Variants in IL17REL observed in about 807,000 individuals in gnomAD.
IL17REL encodes interleukin 17 receptor E like.
Under a neutral mutation model 49.0 loss-of-function variants are expected in IL17REL, and 36 were observed. That is an observed-to-expected ratio of 0.73 (90% CI 0.56 to 0.97). IL17REL has a LOEUF of 0.97. IL17REL is among the 50% of genes least tolerant of loss of function. The pLI is 0.00. For missense variants in IL17REL, 470 were observed against 453.9 expected, an observed-to-expected ratio of 1.04 and a Z score of -0.32; for synonymous variants, 206 against 192.4, an observed-to-expected ratio of 1.07 and a Z score of -0.58.
rs1266019517 is a variant in IL17REL at position 49,997,668 on chromosome 22, C to T, written c.877+17G>A. The T allele has an allele frequency of 1.2e-6, 2 of 1,611,184 alleles. No individual in the cohort carries two copies. Among genetic ancestry groups the T allele is most frequent in the East Asian group, 4.5e-5 (2 of 44,880 alleles). On this transcript the variant is annotated intron_variant, in intron 10 of 12. Transcript: ENST00000341280. ...CTGTGCTGCGTCCACATTGCGTAGG[C>T]CTCATGGAGAACTTACTTGGGAAGC...
chr22:49,999,881 G>C, exon 5 of IL17REL: 1 of 1,545,012 alleles, frequency 6.5e-7, no homozygotes, highest in Non-Finnish European at 8.7e-7. Context: ...CAGAGCCGCA[G>C]GTAGTAGTCG....
rs1212549415 is a variant in IL17REL at position 49,997,268 on chromosome 22, TGCC to T, written c.974+49_974+51del. 5.4e-5 allele frequency: 85 copies of T among 1,560,750 alleles called. No individual in the cohort carries two copies. The South Asian group carries it at 7.5e-4, about 14-fold the overall frequency. Reference sequence around the variant, plus strand: ...CCACCACAGGGAAGTGATGGGGTCCTGCCGCCACCACCCCCACCTCCCCAGGAT... The same window carrying T: ...CCACCACAGGGAAGTGATGGGGTCCTGCCACCACCCCCACCTCCCCAGGAT... On this transcript the variant is annotated intron_variant, in intron 11 of 12. Coordinates refer to ENST00000341280, the Ensembl canonical transcript of IL17REL.
At chr22:50,001,565 G>A (rs1018542521) in intron 1 of IL17REL, among the ~76,000 whole-genome samples, 2 of 152,218 alleles carry the variant, frequency 1.3e-5, no homozygotes, top group Non-Finnish European at 2.9e-5. Context: ...AAGCTCTGTC[G>A]ACTCTGCTCA....
At chr22:50,002,165 G>A (rs1348495494) in intron 1 of IL17REL, among the ~76,000 whole-genome samples, 2 of 152,220 alleles carry the variant, frequency 1.3e-5, no homozygotes. Flanking sequence ...TCCACAGGGT[G>A]TAACCCACTG....
At chr22:49,998,815 G>A (rs532111356) in intron 7 of IL17REL, among the ~76,000 whole-genome samples, 13 of 152,136 alleles carry the variant, frequency 8.5e-5, no homozygotes, top group Middle Eastern at 3.4e-3. Context: ...GCCTGCCTGC[G>A]CGTGGGTGTG....
At position 49,997,783 on chromosome 22, in the gene IL17REL, G is replaced by T. The variant is rs191888981; in HGVS notation, c.820-41C>A. On this transcript the variant is annotated intron_variant, in intron 9 of 12. Coordinates refer to ENST00000341280, the Ensembl canonical transcript of IL17REL. Reference sequence around the variant, plus strand: ...AGGGGTGCAGGAGGGTGGAGTGTGTGTGAGGCAGGGGCAGGGACAGGGGCA... The same window carrying T: ...AGGGGTGCAGGAGGGTGGAGTGTGTTTGAGGCAGGGGCAGGGACAGGGGCA... 9.0e-4 allele frequency: 1,444 copies of T among 1,596,514 alleles called. 10 individuals carry two copies. In the African/African-American group the frequency reaches 0.017, roughly 19 times the overall value.
rs1202679538 is a variant in IL17REL, at chr22:49,997,945, G to A, written c.819+80C>T. The A allele has an allele frequency of 1.9e-6, 3 of 1,550,896 alleles. No homozygotes were observed. In the East Asian group the frequency reaches 6.8e-5, roughly 35 times the overall value. On this transcript the variant is annotated intron_variant, in intron 9 of 12. Transcript: ENST00000341280. ...AGGCTAGGCTCCAGGGCTGGGCAAG[G>A]GCCCCTGCCCCACTCCCCGCCCTGA...
chr22:50,012,277 G>C (rs1247877306), upstream of IL17REL, among the ~76,000 whole-genome samples: 1 of 152,244 alleles, frequency 6.6e-6, no homozygotes, highest in Non-Finnish European at 1.5e-5. Context: ...GGCTGCCCTA[G>C]ATTCTAACAC....
chr22:49,999,334 C>T lies in IL17REL; in HGVS notation c.558G>A (p.Ala186=), dbSNP rs148168797. The T allele has an allele frequency of 6.2e-7, 1 of 1,613,000 alleles. No homozygotes were observed. The highest frequency in any genetic ancestry group is 1.7e-5 in the Admixed American group (1 of 60,022). Reference sequence around the variant, plus strand: ...TCTGGATCCGCACCGCGTCAGGGGTCGCAGACCAGCCCTGTGGGAGGGGCT... The same window carrying T: ...TCTGGATCCGCACCGCGTCAGGGGTTGCAGACCAGCCCTGTGGGAGGGGCT... The change falls in exon 7 of 13, where the codon GCG becomes GCA. Residue 186 remains alanine (A), a synonymous_variant. Transcript: ENST00000341280.
exon 13 of IL17REL, chr22:49,995,313 C>A (rs1464381677): frequency 6.6e-6 from 1 of 152,552 alleles, no homozygotes; most frequent in Non-Finnish European, 1.5e-5. Context: ...CTGGGCCATC[C>A]GGGGAAGGGG....
At chr22:49,997,799 G>T (rs989228605) in intron 9 of IL17REL, 57 bp from the exon 12 acceptor site, 20 of 1,557,760 alleles carry the variant, frequency 1.3e-5, no homozygotes, top group Non-Finnish European at 1.7e-5. Context: ...CAGGGGCAGG[G>T]ACAGGGGCAG....
At chr22:49,992,661 A>G (rs1222329154), downstream of IL17REL, among the ~76,000 whole-genome samples, 1 of 152,208 alleles carries the variant, frequency 6.6e-6, no homozygotes, top group Non-Finnish European at 1.5e-5. Flanking sequence ...TCAGTCACCC[A>G]GGATGGAGTG....
rs1033088850 is a variant in IL17REL, at chr22:49,999,815, C to A, written c.474+13G>T. ...GCCTAAGGCTGACCGGGGCCCGGGG[C>A]GCGGGCGCTCACTCGCACAGGGGCG... is the stretch of plus-strand genomic sequence containing the variant. On this transcript the variant is annotated intron_variant, in intron 5 of 12. Coordinates refer to ENST00000341280, the Ensembl canonical transcript of IL17REL. The A allele has an allele frequency of 6.7e-6, 10 of 1,494,496 alleles. No individual in the cohort carries two copies. The African/African-American group carries it at 1.3e-4, about 20-fold the overall frequency. 92.6% of individuals were successfully genotyped at this position (1,494,496 alleles called of 1,614,324 possible).
In IL17REL at chr22:49,997,674, G is replaced by A. The variant is rs750087038; in HGVS notation, c.877+11C>T. 24 of 1,612,540 alleles carry A rather than the reference G, an allele frequency of 1.5e-5. 1 individual carries two copies. The highest frequency in any genetic ancestry group is 2.7e-5 in the African/African-American group (2 of 74,900). ...TGCGTCCACATTGCGTAGGCCTCAT[G>A]GAGAACTTACTTGGGAAGCGACGCT... On this transcript the variant is annotated intron_variant, in intron 10 of 12. Transcript: ENST00000341280.
At chr22:49,994,943 C>G (rs2061026097) in exon 13 of IL17REL, 1 of 152,394 alleles carries the variant, frequency 6.6e-6, no homozygotes, top group Admixed American at 6.5e-5. Flanking sequence ...AGGTGGCCCC[C>G]AGGCAGGTGG....
At chr22:50,003,228 G>T (rs913782963) in intron 1 of IL17REL, among the ~76,000 whole-genome samples, 1 of 152,120 alleles carries the variant, frequency 6.6e-6, no homozygotes, top group African/African-American at 2.4e-5. Context: ...CAACCCAAGA[G>T]AATTTGAGGG....
chr22:50,008,371 C>T (rs917836029), intron 1 of IL17REL, among the ~76,000 whole-genome samples: 3 of 152,166 alleles, frequency 2.0e-5, no homozygotes, highest in East Asian at 3.8e-4. Flanking sequence ...CGGTTTGGAA[C>T]GCAACGAGGC....
At chr22:50,012,694 G>T (rs900292477), upstream of IL17REL, 16 of 152,302 alleles carry the variant, frequency 1.1e-4, no homozygotes, top group African/African-American at 3.4e-4. Context: ...ATGTGAGTGG[G>T]GCAAGTTTGC....
chr22:49,997,163 C>T, intron 11 of IL17REL, 89 bp from the exon 14 acceptor site: 1 of 1,430,052 alleles, frequency 7.0e-7, no homozygotes, highest in Non-Finnish European at 9.6e-7. Flanking sequence ...TCAGCACCCA[C>T]AAAGCAGGGC....
Sources: allele counts gnomAD v4.1 joint callset (sites outside exome capture counted in the v4.1 genomes callset), GRCh38; gene constraint gnomAD v4.1.1; transcripts MANE v1.5; gene names NCBI Gene and HGNC (gene_info 2026-07-23, HGNC 2026-07-21).